EYA4: variants seen among roughly 807,000 people sequenced by gnomAD.
EYA4 encodes protein phosphatase EYA4.
EYA4 carries 31 observed loss-of-function variants against 87.9 expected under a neutral mutation model. That is an observed-to-expected ratio of 0.35 (90% CI 0.27 to 0.48). EYA4 has a LOEUF of 0.48. Ranked by LOEUF, EYA4 falls within the 20% of genes least tolerant of loss-of-function variation. The pLI is 0.99. For synonymous variants in EYA4, 263 were observed against 270.6 expected, an observed-to-expected ratio of 0.97 and a Z score of 0.28; for missense variants, 678 against 761.4, an observed-to-expected ratio of 0.89 and a Z score of 1.29.
intron 19 of EYA4, among the ~76,000 whole-genome samples, chr6:133,527,668 A>G (rs945958043): frequency 6.6e-6 from 1 of 152,240 alleles, no homozygotes; most frequent in Non-Finnish European, 1.5e-5. Flanking sequence ...CAAGTGCTCA[A>G]TAGCCACATG....
chr6:133,304,843 G>C (rs189184927), intron 2 of EYA4, among the ~76,000 whole-genome samples: 2 of 152,228 alleles, frequency 1.3e-5, no homozygotes, highest in South Asian at 2.1e-4. Context: ...AGCACTAAAC[G>C]TGAGATAAAT....
chr6:133,509,899 G>A (rs1277756577), intron 14 of EYA4, among the ~76,000 whole-genome samples: 1 of 152,078 alleles, frequency 6.6e-6, no homozygotes. Context: ...AAAAATAATT[G>A]AAGGACAATT....
intron 5 of EYA4, among the ~76,000 whole-genome samples, chr6:133,455,713 T>C (rs1366312601): frequency 6.6e-6 from 1 of 152,146 alleles, no homozygotes; most frequent in African/African-American, 2.4e-5. Flanking sequence ...AAGTAGAAAA[T>C]AGCTTAGTTT....
Position 133,340,087 on chromosome 6 carries a change from G to A in EYA4, c.34-42305G>A, listed in dbSNP as rs536940652. 2.1e-3 allele frequency among the ~76,000 whole-genome samples: 326 copies of A among 152,152 alleles called. 1 individual carries two copies. The highest frequency in any genetic ancestry group is 6.9e-3 in the African/African-American group (288 of 41,494). On this transcript the variant is annotated intron_variant, in intron 2 of 19. Coordinates refer to ENST00000355286, the MANE Select transcript of EYA4 (RefSeq NM_004100.5). ...GACTTAAAAGAGAAGGGGAAGTTACGTCACACTATCAGAAGTAATCATATC... is the reference window on the plus strand; with the variant it reads ...GACTTAAAAGAGAAGGGGAAGTTACATCACACTATCAGAAGTAATCATATC...
intron 2 of EYA4, among the ~76,000 whole-genome samples, chr6:133,276,067 A>G (rs148510424): frequency 7.9e-4 from 120 of 152,310 alleles, no homozygotes; most frequent in African/African-American, 2.8e-3. Context: ...GTTAGTCATC[A>G]TGACTGTTGG....
At chr6:133,429,128 T>C (rs1017470871) in intron 3 of EYA4, among the ~76,000 whole-genome samples, 1 of 151,788 alleles carries the variant, frequency 6.6e-6, no homozygotes, top group Non-Finnish European at 1.5e-5. Context: ...GGTTTCACCA[T>C]GTCAGTCAGG....
intron 11 of EYA4, among the ~76,000 whole-genome samples, chr6:133,473,688 G>A (rs1290075906): frequency 6.6e-6 from 1 of 151,856 alleles, no homozygotes; most frequent in African/African-American, 2.4e-5. Context: ...TGGGCACACA[G>A]CCCCTTTGAA....
chr6:133,332,596 T>G (rs573521025), intron 2 of EYA4, among the ~76,000 whole-genome samples: 3 of 152,230 alleles, frequency 2.0e-5, no homozygotes, highest in Admixed American at 2.0e-4. Flanking sequence ...CAGGCTGGAG[T>G]GCAGTGGCTT....
At chr6:133,304,912 T>A in intron 2 of EYA4, among the ~76,000 whole-genome samples, 1 of 152,082 alleles carries the variant, frequency 6.6e-6, no homozygotes, top group East Asian at 1.9e-4. Flanking sequence ...AGAAATAATA[T>A]CAGTGAAATA....
chr6:133,400,641 T>C (rs2128513767), intron 3 of EYA4, among the ~76,000 whole-genome samples: 1 of 152,304 alleles, frequency 6.6e-6, no homozygotes, highest in South Asian at 2.1e-4. Flanking sequence ...AACATCATAT[T>C]GAAGGGTATC....
At chr6:133,360,583 A>G (rs1217880321) in intron 2 of EYA4, 2 of 152,158 alleles carry the variant, frequency 1.3e-5, no homozygotes, top group East Asian at 3.9e-4. Context: ...ATTCTACAAC[A>G]ACCATTTTTT....
At chr6:133,482,123 G>C (rs532255077) in intron 12 of EYA4, among the ~76,000 whole-genome samples, 1 of 152,272 alleles carries the variant, frequency 6.6e-6, no homozygotes, top group Non-Finnish European at 1.5e-5. Flanking sequence ...AGATATATCT[G>C]TACTAAGCAG....
At chr6:133,440,382 C>T (rs1431555894) in intron 3 of EYA4, among the ~76,000 whole-genome samples, 1 of 152,044 alleles carries the variant, frequency 6.6e-6, no homozygotes, top group Admixed American at 6.6e-5. Context: ...ATAGGAAGGG[C>T]ACTTCAGGAG....
At chr6:133,255,604 ATT>A (rs752341726) in intron 1 of EYA4, among the ~76,000 whole-genome samples, 1 of 151,176 alleles carries the variant, frequency 6.6e-6, no homozygotes, top group Non-Finnish European at 1.5e-5. Flanking sequence ...CTTTTCAGGC[ATT>A]TTTTTTTCTA....
chr6:133,289,460 G>A (rs211432), intron 2 of EYA4, among the ~76,000 whole-genome samples: 52,752 of 151,902 alleles, frequency 0.35, 9,455 homozygotes, highest in African/African-American at 0.42. Flanking sequence ...TTTTCTTTTA[G>A]CAAAATATCT....
chr6:133,301,463 TTGG>T (rs1779400348), intron 2 of EYA4, among the ~76,000 whole-genome samples: 1 of 152,188 alleles, frequency 6.6e-6, no homozygotes, highest in Non-Finnish European at 1.5e-5. Context: ...TGCCTTTTAT[TTGG>T]TGAAGAAAAC....
chr6:133,478,056 A>G (rs1330994645), intron 11 of EYA4, among the ~76,000 whole-genome samples: 2 of 152,108 alleles, frequency 1.3e-5, no homozygotes, highest in Non-Finnish European at 2.9e-5. Flanking sequence ...AGATACCATC[A>G]ATCACACACC....
intron 2 of EYA4, among the ~76,000 whole-genome samples, chr6:133,378,969 A>T (rs961489867): frequency 1.4e-5 from 2 of 139,286 alleles, no homozygotes; most frequent in African/African-American, 5.9e-5. Flanking sequence ...GTGTATTTCT[A>T]TGGAAAAATT....
chr6:133,344,144 T>G (rs190155017), intron 2 of EYA4, among the ~76,000 whole-genome samples: 118 of 152,312 alleles, frequency 7.7e-4, no homozygotes, highest in African/African-American at 2.7e-3. Flanking sequence ...GGACATGTTT[T>G]AAACACTGGA....
Sources: gnomAD v4.1 joint callset for allele counts (sites outside exome capture counted in the v4.1 genomes callset) on GRCh38, gnomAD v4.1.1 for gene constraint, MANE v1.5 for transcripts, NCBI Gene and HGNC (gene_info 2026-07-23, HGNC 2026-07-21) for gene names.